Variants in MGST1 observed in about 807,000 individuals in gnomAD.
MGST1 encodes glutathione S-transferase 12.
A neutral mutation model predicts 8.9 loss-of-function variants in MGST1; 5 were observed. That is an observed-to-expected ratio of 0.56 (90% confidence interval 0.29 to 1.19). The LOEUF is 1.19. Ranked by LOEUF, MGST1 falls within the 50% of genes most tolerant of loss-of-function variation. The pLI is 0.08. For synonymous variants in MGST1, 54 were observed against 67.8 expected (o/e 0.80, Z 1.00); for missense variants, 182 against 187.4 (o/e 0.97, Z 0.17).
At chr12:16,372,398 A>G (rs1013069546) in intron 3 of MGST1, among the ~76,000 whole-genome samples, 2 of 152,118 alleles carry the variant, frequency 1.3e-5, no homozygotes, top group African/African-American at 4.8e-5. Context: ...AAAAGAATAC[A>G]TACAAATGGC....
intron 4 of MGST1, among the ~76,000 whole-genome samples, chr12:16,516,979 T>A (rs1023311533): frequency 6.6e-6 from 1 of 152,190 alleles, no homozygotes; most frequent in African/African-American, 2.4e-5. Context: ...CAGTACATTA[T>A]TTGATTTAGC....
intron 4 of MGST1, among the ~76,000 whole-genome samples, chr12:16,448,485 T>A (rs959908440): frequency 4.0e-5 from 6 of 151,740 alleles, no homozygotes; most frequent in Non-Finnish European, 8.8e-5. Flanking sequence ...TCAAAAAATA[T>A]CAAGGTGGAA....
In MGST1 at chr12:16,362,737, C is replaced by T. The variant is rs111729264; in HGVS notation, c.222-1058C>T. ...CTGAGGCTGGAGGACTGCTTGAGAC[C>T]AGGTGTTCAAGACCAGCCTGGGCAA... On this transcript the variant is annotated intron_variant, in intron 3 of 3. Coordinates refer to ENST00000396210, the MANE Select transcript of MGST1 (RefSeq NM_020300.5). This position sits in a 1 kb window ranked among gnomAD's most constrained non-coding sequence, Gnocchi z 4.4. The T allele has an allele frequency of 0.03, 4,582 of 152,140 alleles. 183 individuals carry two copies. Among genetic ancestry groups the T allele is most frequent in the African/African-American group, 0.089 (3,671 of 41,468 alleles). 9.4% of individuals were successfully genotyped at this position (152,140 alleles called of 1,614,324 possible).
rs1943369377 is a variant in MGST1 at position 16,587,840 on chromosome 12, C to G, written n.483-1688C>G. Among the ~76,000 whole-genome samples the G allele has an allele frequency of 6.6e-6, 1 of 152,028 alleles. No individual in the cohort carries two copies. Among genetic ancestry groups the G allele is most frequent in the Non-Finnish European group, 1.5e-5 (1 of 67,996 alleles). On this transcript the variant is annotated intron_variant and non_coding_transcript_variant, in intron 4 of 4. Coordinates refer to the MGST1 transcript ENST00000538857. The surrounding 1 kb of genome is among the most constrained non-coding windows in gnomAD (Gnocchi z 4.3). ...AGGGGGAGGGAGAGGAACCTTGTCT[C>G]ATATTAATGCTGCCAGTAGCTATGG...
chr12:16,589,834 T>C (rs954839743), downstream of MGST1, among the ~76,000 whole-genome samples: 2 of 152,006 alleles, frequency 1.3e-5, no homozygotes, highest in East Asian at 3.9e-4. The surrounding 1 kb of genome is among the most constrained non-coding windows in gnomAD (Gnocchi z 4.2). Context: ...CTGTTAGAAA[T>C]TGTAACAGAA....
chr12:16,365,995 C>T (rs1318025470), downstream of MGST1, among the ~76,000 whole-genome samples: 1 of 152,170 alleles, frequency 6.6e-6, no homozygotes, highest in Non-Finnish European at 1.5e-5. Flanking sequence ...CTTTGTTGAA[C>T]CATTATCACG....
intron 4 of MGST1, among the ~76,000 whole-genome samples, chr12:16,487,081 C>A (rs1303859601): frequency 6.6e-6 from 1 of 152,116 alleles, no homozygotes; most frequent in Non-Finnish European, 1.5e-5. Flanking sequence ...ATTGCAAGAT[C>A]CTGTGTGCTG....
intron 1 of MGST1, among the ~76,000 whole-genome samples, chr12:16,430,829 C>T (rs1439946905): frequency 6.6e-6 from 1 of 152,174 alleles, no homozygotes; most frequent in Non-Finnish European, 1.5e-5. Context: ...TCTAACAAGA[C>T]AGCGAGCCCG....
rs1406612018 is a variant in MGST1 at position 16,458,407 on chromosome 12, A to AGG, written n.482+74804_482+74805insGG. 1.3e-5 allele frequency among the ~76,000 whole-genome samples: 2 copies of AGG among 152,036 alleles called. No homozygotes were observed. Among genetic ancestry groups the AGG allele is most frequent in the East Asian group, 3.9e-4 (2 of 5,166 alleles). On this transcript the variant is annotated intron_variant and non_coding_transcript_variant, in intron 4 of 4. Coordinates refer to the MGST1 transcript ENST00000538857. The surrounding 1 kb of genome is among the most constrained non-coding windows in gnomAD (Gnocchi z 4.0). ...GTAATTGAGCATAGATGTTGGACCC[A>AGG]GAGTTCTCCAAACTAAATTGTACTC...
At chr12:16,394,269 ATCTTT>A (rs1940579070) in intron 1 of MGST1, among the ~76,000 whole-genome samples, 2 of 152,010 alleles carry the variant, frequency 1.3e-5, no homozygotes, top group African/African-American at 4.8e-5. Context: ...TGTGGCAAGT[ATCTTT>A]TCTTTTTTTT....
At chr12:16,354,960 G>C (rs1939644586) in intron 2 of MGST1, among the ~76,000 whole-genome samples, 1 of 151,810 alleles carries the variant, frequency 6.6e-6, no homozygotes, top group African/African-American at 2.4e-5. Flanking sequence ...ATGTGGGGAG[G>C]GTGGTAGACA....
intron 4 of MGST1, among the ~76,000 whole-genome samples, chr12:16,515,106 C>T (rs1463702408): frequency 2.0e-5 from 3 of 152,244 alleles, no homozygotes; most frequent in African/African-American, 7.2e-5. Context: ...CAGGTCTGTC[C>T]TCTCATCATG....
intron 4 of MGST1, among the ~76,000 whole-genome samples, chr12:16,574,184 C>T (rs1942920472): frequency 6.6e-6 from 1 of 151,912 alleles, no homozygotes; most frequent in South Asian, 2.1e-4. Flanking sequence ...GACAGTAGGG[C>T]TAGAAATTTT....
At chr12:16,419,819 C>T (rs1940818778) in intron 1 of MGST1, among the ~76,000 whole-genome samples, 1 of 152,086 alleles carries the variant, frequency 6.6e-6, no homozygotes, top group African/African-American at 2.4e-5. Flanking sequence ...GGATTGGATG[C>T]CAGGGTGTCA....
chr12:16,523,987 T>C (rs1039214272), intron 4 of MGST1, among the ~76,000 whole-genome samples: 1 of 152,136 alleles, frequency 6.6e-6, no homozygotes, highest in African/African-American at 2.4e-5. Context: ...CTTGTCCTAC[T>C]AAGTTACAAT....
intron 4 of MGST1, among the ~76,000 whole-genome samples, chr12:16,566,152 A>C (rs1942603282): frequency 6.7e-6 from 1 of 150,296 alleles, no homozygotes; most frequent in Non-Finnish European, 1.5e-5. Flanking sequence ...TAGATGGAAA[A>C]ATACCTCATG....
rs561265626 is a variant in MGST1, at chr12:16,578,540, G to A, written n.483-10988G>A. Among the ~76,000 whole-genome samples the A allele has an allele frequency of 7.2e-5, 11 of 152,146 alleles. No homozygotes were observed. In the East Asian group the frequency reaches 7.8e-4, roughly 11 times the overall value. On this transcript the variant is annotated intron_variant and non_coding_transcript_variant, in intron 4 of 4. Transcript: ENST00000538857. ...ATTAAAATAAAAATCACATTAGGCC[G>A]GGCGCCGTGGCTCATGCCTGTAATC...
At chr12:16,350,934 A>G (rs555041740) in intron 1 of MGST1, 85 of 152,120 alleles carry the variant, frequency 5.6e-4, no homozygotes, top group African/African-American at 2.0e-3. Context: ...AAGGCCTCCC[A>G]TTGCCCTTTT....
intron 4 of MGST1, among the ~76,000 whole-genome samples, chr12:16,476,643 T>G (rs899128839): frequency 1.8e-4 from 28 of 152,162 alleles, no homozygotes; most frequent in African/African-American, 6.0e-4. Flanking sequence ...ATCATTTTGT[T>G]GGTAACCCAA....
Sources: allele counts gnomAD v4.1 joint callset (sites outside exome capture counted in the v4.1 genomes callset), GRCh38; gene constraint gnomAD v4.1.1; non-coding constraint Gnocchi (gnomAD v3.1); transcripts MANE v1.5; gene names NCBI Gene and HGNC (gene_info 2026-07-23, HGNC 2026-07-21).